RGSL1: variants seen among roughly 807,000 people sequenced by gnomAD.
RGSL1 encodes the protein regulator of G protein signaling protein-like.
Under a neutral mutation model 124.7 loss-of-function variants are expected in RGSL1, and 97 were observed. That is an observed-to-expected ratio of 0.78 (90% confidence interval 0.66 to 0.92). RGSL1 has a LOEUF of 0.92. Ranked by LOEUF, RGSL1 falls within the 40% of genes least tolerant of loss-of-function variation. The pLI is 0.00. For missense variants in RGSL1, 1,233 were observed against 1,288.4 expected (o/e 0.96, Z 0.66); for synonymous variants, 424 against 438.1 (o/e 0.97, Z 0.40).
At chr1:182,456,699 C>T (rs1444532229) in intron 2 of RGSL1, among the ~76,000 whole-genome samples, 2 of 152,148 alleles carry the variant, frequency 1.3e-5, no homozygotes, top group African/African-American at 2.4e-5. Flanking sequence ...GAGGGGAGTT[C>T]CAGCCAAGAG....
intron 1 of RGSL1, among the ~76,000 whole-genome samples, chr1:182,451,315 T>A (rs1360056138): frequency 8.5e-6 from 1 of 117,620 alleles, no homozygotes; most frequent in Non-Finnish European, 2.1e-5. Context: ...GATATATCGA[T>A]GGATAAAAAC....
At chr1:182,538,593 T>C (rs1351791788) in intron 14 of RGSL1, among the ~76,000 whole-genome samples, 1 of 151,134 alleles carries the variant, frequency 6.6e-6, no homozygotes, top group Non-Finnish European at 1.5e-5. Context: ...CTGACTGTAA[T>C]GTAGGGAATA....
rs1381085173 is a variant in RGSL1 at position 182,467,299 on chromosome 1, C to T, written c.302-5097C>T. 2.6e-5 allele frequency among the ~76,000 whole-genome samples: 4 copies of T among 152,160 alleles called. No individual in the cohort carries two copies. In the East Asian group the frequency reaches 5.8e-4, roughly 22 times the overall value. On this transcript the variant is annotated intron_variant, in intron 4 of 21. Transcript: ENST00000294854. Reference sequence around the variant, plus strand: ...GTTCATATGGAACCAAAAAAGAGCCCTCATCGCCAAGTCAATCCTAAGCCA... The same window carrying T: ...GTTCATATGGAACCAAAAAAGAGCCTTCATCGCCAAGTCAATCCTAAGCCA...
intron 9 of RGSL1, among the ~76,000 whole-genome samples, chr1:182,505,920 A>G (rs1571595961): frequency 6.6e-6 from 1 of 152,170 alleles, no homozygotes; most frequent in Non-Finnish European, 1.5e-5. Flanking sequence ...GATACACACA[A>G]TTATGTCCTC....
intron 9 of RGSL1, among the ~76,000 whole-genome samples, chr1:182,511,296 C>G (rs1657436995): frequency 6.6e-6 from 1 of 152,112 alleles, no homozygotes; most frequent in African/African-American, 2.4e-5. Flanking sequence ...TCCCAAGTAG[C>G]TGGGATTACA....
At chr1:182,527,146 T>A (rs1347680306) in intron 10 of RGSL1, among the ~76,000 whole-genome samples, 1 of 152,018 alleles carries the variant, frequency 6.6e-6, no homozygotes, top group Non-Finnish European at 1.5e-5. Flanking sequence ...GAATAGAGGA[T>A]TAAAGATGAA....
chr1:182,488,537 G>C, intron 7 of RGSL1, 190 bp downstream of exon 7: 4 of 579,696 alleles, frequency 6.9e-6, no homozygotes, highest in Non-Finnish European at 1.2e-5. Flanking sequence ...TGCATAAGAT[G>C]ACTTTGGTGA....
At chr1:182,487,868 T>C (rs1053393667) in intron 6 of RGSL1, among the ~76,000 whole-genome samples, 1 of 152,204 alleles carries the variant, frequency 6.6e-6, no homozygotes, top group Non-Finnish European at 1.5e-5. Flanking sequence ...TTTAATGTAA[T>C]AAAATGTTAT....
intron 11 of RGSL1, among the ~76,000 whole-genome samples, chr1:182,528,462 C>T (rs1301554921): frequency 6.6e-6 from 1 of 152,156 alleles, no homozygotes; most frequent in African/African-American, 2.4e-5. Flanking sequence ...TAAGGCAAGT[C>T]CCTTCCACCT....
At position 182,474,152 on chromosome 1, in the gene RGSL1, C is replaced by T. The variant is rs191739285; in HGVS notation, c.1041C>T (p.Pro347=). The T allele has an allele frequency of 5.2e-6, 8 of 1,552,058 alleles. No individual in the cohort carries two copies. In the East Asian group the frequency reaches 2.0e-4, roughly 38 times the overall value. The part of the protein sequence containing the change: ...KVSTHLRTVI[P]IVNHSSKMTI... ...CTACCCACCTGAGGACTGTCATCCC[C>T]ATTGTCAATCACTCCTCCAAGATGA... is the stretch of plus-strand genomic sequence containing the variant. The change falls in exon 6 of 22, where the codon CCC becomes CCT. Residue 347 remains proline, a synonymous_variant. Coordinates refer to ENST00000294854, the MANE Select transcript of RGSL1 (RefSeq NM_001137669.2).
chr1:182,460,579 T>C (rs1357653179), intron 4 of RGSL1: 11 of 449,394 alleles, frequency 2.4e-5, no homozygotes, highest in Non-Finnish European at 4.9e-5. Context: ...TGAAATCATC[T>C]CTTAATTTGT....
At chr1:182,554,397 G>A (rs266546) in intron 19 of RGSL1, among the ~76,000 whole-genome samples, 16,244 of 152,110 alleles carry the variant, frequency 0.11, 944 homozygotes, top group Non-Finnish European at 0.13. Flanking sequence ...CATGGCCTTC[G>A]TGTCCAGATG....
chr1:182,527,708 A>C lies in RGSL1; in HGVS notation c.2061A>C (p.Glu687Asp). Residue 687 changes from glutamate to aspartate, a missense_variant, in exon 11 of 22, where the codon GAA becomes GAC. Glu to Asp is a conservative substitution (Grantham distance 45, BLOSUM62 2). Coordinates refer to ENST00000294854, the MANE Select transcript of RGSL1 (RefSeq NM_001137669.2). Reference protein sequence around the residue: ...AVQKISIETNEKICKSLIENV... With the variant: ...AVQKISIETNDKICKSLIENV... ...AGAAGATCAGTATAGAGACCAATGAAAAGATTTGCAAGTCTCTCATAGAAA... is the reference window on the plus strand; with the variant it reads ...AGAAGATCAGTATAGAGACCAATGACAAGATTTGCAAGTCTCTCATAGAAA... 6.4e-7 allele frequency: 1 copy of C among 1,551,234 alleles called. No homozygotes were observed. Among genetic ancestry groups the C allele is most frequent in the Non-Finnish European group, 8.7e-7 (1 of 1,146,712 alleles).
At chr1:182,540,169 T>G in intron 14 of RGSL1, 78 bp from the exon 15 acceptor site, 1 of 1,365,808 alleles carries the variant, frequency 7.3e-7, no homozygotes, top group South Asian at 1.6e-5. Flanking sequence ...TCTCCTTTCT[T>G]CTTTTTGTTA....
chr1:182,466,351 T>A (rs1412341050), intron 4 of RGSL1, among the ~76,000 whole-genome samples: 1 of 152,064 alleles, frequency 6.6e-6, no homozygotes. Context: ...ATAAGAGACA[T>A]CTTAATTGGA....
At chr1:182,547,700 A>G (rs1660301620) in intron 15 of RGSL1, among the ~76,000 whole-genome samples, 1 of 152,080 alleles carries the variant, frequency 6.6e-6, no homozygotes, top group Admixed American at 6.6e-5. Context: ...TCTCTACTAA[A>G]AATACAAAAA....
intron 15 of RGSL1, among the ~76,000 whole-genome samples, chr1:182,542,565 G>A (rs1659962520): frequency 8.4e-6 from 1 of 118,460 alleles, no homozygotes; most frequent in Non-Finnish European, 1.9e-5. Context: ...GTGGTTCCGT[G>A]TAAATTTTAG....
At chr1:182,539,340 G>A (rs531773912) in intron 14 of RGSL1, among the ~76,000 whole-genome samples, 1 of 152,214 alleles carries the variant, frequency 6.6e-6, no homozygotes, top group Admixed American at 6.5e-5. Flanking sequence ...GGGATCTTAC[G>A]TCTTATTCAG....
At chr1:182,491,226 T>C (rs1655499934) in intron 8 of RGSL1, among the ~76,000 whole-genome samples, 1 of 151,992 alleles carries the variant, frequency 6.6e-6, no homozygotes, top group Non-Finnish European at 1.5e-5. Flanking sequence ...TTATTATTAT[T>C]ATTATTTGAG....
Sources: allele counts gnomAD v4.1 joint callset (sites outside exome capture counted in the v4.1 genomes callset), GRCh38; gene constraint gnomAD v4.1.1; transcripts MANE v1.5; gene names NCBI Gene and HGNC (gene_info 2026-07-23, HGNC 2026-07-21).